ZFAND3: variants seen among roughly 807,000 people sequenced by gnomAD.
ZFAND3 encodes zinc finger AN1-type containing 3.
In ZFAND3, 10 loss-of-function variants were observed where a neutral mutation model predicts 29.6. The ratio of observed to expected loss-of-function variants is 0.34; its 90% CI spans 0.21 to 0.57. The LOEUF (loss-of-function observed/expected upper bound fraction) is 0.57, where lower values mean the gene tolerates loss of function less well. Ranked by LOEUF, ZFAND3 falls within the 20% of genes least tolerant of loss-of-function variation. ZFAND3 has a pLI of 0.86. For missense variants in ZFAND3, 230 were observed against 304.5 expected (o/e 0.76, Z 1.82); for synonymous variants, 128 against 112.6 (o/e 1.14, Z -0.87).
chr6:38,140,841 A>C (rs957458219), intron 5 of ZFAND3, among the ~76,000 whole-genome samples: 1 of 152,192 alleles, frequency 6.6e-6, no homozygotes, highest in Non-Finnish European at 1.5e-5. Context: ...TATAGTGTGT[A>C]GTCTGACTTC....
At chr6:38,124,598 C>T (rs1366986044) in intron 5 of ZFAND3, among the ~76,000 whole-genome samples, 1 of 152,228 alleles carries the variant, frequency 6.6e-6, no homozygotes, top group African/African-American at 2.4e-5. Flanking sequence ...CCTCACTGCC[C>T]CGGGCCGCTC....
At chr6:37,861,525 G>C (rs1164945823) in intron 1 of ZFAND3, among the ~76,000 whole-genome samples, 2 of 152,172 alleles carry the variant, frequency 1.3e-5, no homozygotes, top group Non-Finnish European at 2.9e-5. Flanking sequence ...GGGGCTTTAC[G>C]TACTTACTTG....
chr6:37,950,787 C>G (rs2453882), intron 2 of ZFAND3, among the ~76,000 whole-genome samples: 132,400 of 152,198 alleles, frequency 0.87, 58,400 homozygotes, highest in East Asian at 0.96. Flanking sequence ...ACTATAGTCT[C>G]AAGGTGGGTA....
chr6:38,123,913 G>A (rs1765580936), intron 5 of ZFAND3, among the ~76,000 whole-genome samples: 1 of 152,258 alleles, frequency 6.6e-6, no homozygotes, highest in East Asian at 1.9e-4. Flanking sequence ...ATTGCAAAGA[G>A]CGAAAGAACA....
intron 1 of ZFAND3, among the ~76,000 whole-genome samples, chr6:37,852,915 AG>A (rs996185839): frequency 6.6e-6 from 1 of 151,750 alleles, no homozygotes; most frequent in Non-Finnish European, 1.5e-5. Flanking sequence ...AGTTTCTCAA[AG>A]GGTGTCCATT....
chr6:38,040,533 G>C (rs1763739636), intron 2 of ZFAND3, among the ~76,000 whole-genome samples: 1 of 152,042 alleles, frequency 6.6e-6, no homozygotes, highest in South Asian at 2.1e-4. Context: ...TAAAACTTTA[G>C]TTTTGATGTG....
At position 37,896,523 on chromosome 6, in the gene ZFAND3, TTTC is replaced by T. The variant is rs1427002554; in HGVS notation, c.72-33433_72-33431del. ...ATTTTTTTCCTCTTTCTTTTCTTTC[TTTC>T]TTTCTTTCTTTCTTTCTTTCTTTCT... is the stretch of plus-strand genomic sequence containing the variant. On this transcript the variant is annotated intron_variant, in intron 1 of 5. Transcript: ENST00000287218. Among the ~76,000 whole-genome samples the T allele has an allele frequency of 6.5e-5, 7 of 106,952 alleles. No individual in the cohort carries two copies. In the East Asian group the frequency reaches 1.0e-3, roughly 16 times the overall value. 70.2% of individuals were successfully genotyped at this position (106,952 alleles called of 152,430 possible). A position where few individuals can be genotyped will look rare whatever the true frequency, so the allele number is the denominator to read the frequency against.
At chr6:37,888,722 A>G (rs1427933182) in intron 1 of ZFAND3, among the ~76,000 whole-genome samples, 2 of 152,150 alleles carry the variant, frequency 1.3e-5, no homozygotes, top group Non-Finnish European at 2.9e-5. Context: ...GAAGACTTGT[A>G]TAGATCTCTT....
intron 2 of ZFAND3, among the ~76,000 whole-genome samples, chr6:37,970,310 A>G (rs1434740622): frequency 1.3e-5 from 2 of 152,190 alleles, no homozygotes; most frequent in East Asian, 1.9e-4. Flanking sequence ...CGTAAATGGT[A>G]TATGGCAGAT....
intron 2 of ZFAND3, among the ~76,000 whole-genome samples, chr6:37,945,530 A>G (rs973999445): frequency 1.3e-5 from 2 of 152,024 alleles, no homozygotes; most frequent in Non-Finnish European, 2.9e-5. Flanking sequence ...CTGCACCACC[A>G]TGCCCAGCTA....
At position 37,976,510 on chromosome 6, in the gene ZFAND3, G is replaced by A. The variant is rs115956976; in HGVS notation, c.112+46511G>A. Among the ~76,000 whole-genome samples, 1,342 of 149,966 alleles carry A rather than the reference G, an allele frequency of 8.9e-3. 21 individuals are homozygous for A. The highest frequency in any genetic ancestry group is 0.031 in the African/African-American group (1,245 of 40,696). On this transcript the variant is annotated intron_variant, in intron 2 of 5. Transcript: ENST00000287218. ...GAGGTGGAAGAATCACTTGAGCCCC[G>A]GAAGTAGAGGTTGCAGTGAGCCGAG...
chr6:37,932,714 C>T (rs913423988), intron 2 of ZFAND3, among the ~76,000 whole-genome samples: 12 of 152,168 alleles, frequency 7.9e-5, no homozygotes, highest in Admixed American at 3.9e-4. Flanking sequence ...AGAGTTCAGC[C>T]ATGGGCTTTG....
intron 3 of ZFAND3, among the ~76,000 whole-genome samples, chr6:38,077,489 A>G (rs534813511): frequency 9.2e-5 from 14 of 152,332 alleles, no homozygotes; most frequent in African/African-American, 3.4e-4. Context: ...AGGAATGGCT[A>G]TTTTTGAGTA....
intron 2 of ZFAND3, among the ~76,000 whole-genome samples, chr6:38,039,243 C>T (rs933328950): frequency 3.9e-5 from 6 of 152,052 alleles, no homozygotes; most frequent in African/African-American, 1.4e-4. Context: ...CTTAAAGGAC[C>T]GTAAGTATTA....
At chr6:37,820,815 G>A (rs961649988) in intron 1 of ZFAND3, among the ~76,000 whole-genome samples, 3 of 152,144 alleles carry the variant, frequency 2.0e-5, no homozygotes, top group East Asian at 3.8e-4. Flanking sequence ...GCCATCATGT[G>A]TTAAGGCGAA....
At chr6:37,943,830 A>G (rs888790124) in intron 2 of ZFAND3, among the ~76,000 whole-genome samples, 4 of 152,304 alleles carry the variant, frequency 2.6e-5, no homozygotes, top group African/African-American at 9.6e-5. Flanking sequence ...TTTCAAAGTA[A>G]ACTGAAGTGG....
At chr6:38,015,061 TA>T (rs1312660326) in intron 2 of ZFAND3, among the ~76,000 whole-genome samples, 1 of 152,248 alleles carries the variant, frequency 6.6e-6, no homozygotes, top group African/African-American at 2.4e-5. Flanking sequence ...ATTTAAGGTC[TA>T]CAAGGAGGAG....
intron 2 of ZFAND3, among the ~76,000 whole-genome samples, chr6:37,964,119 A>G (rs1762249965): frequency 6.6e-6 from 1 of 152,184 alleles, no homozygotes; most frequent in Non-Finnish European, 1.5e-5. Flanking sequence ...CCTGCAAAAT[A>G]AAACAAATCT....
rs537710103 is a variant in ZFAND3, at chr6:38,041,353, C to A, written c.113-20240C>A. On this transcript the variant is annotated intron_variant, in intron 2 of 5. Transcript: ENST00000287218. ...CTTTTCTTCATGGAAATTTCACTTA[C>A]TAGTTTTTTTTAGCATCTATTGATG... is the stretch of plus-strand genomic sequence containing the variant. Among the ~76,000 whole-genome samples the A allele has an allele frequency of 3.3e-5, 5 of 152,208 alleles. No individual in the cohort carries two copies. In the East Asian group the frequency reaches 9.7e-4, roughly 29 times the overall value.
Sources: gnomAD v4.1 joint callset for allele counts (sites outside exome capture counted in the v4.1 genomes callset) on GRCh38, gnomAD v4.1.1 for gene constraint, MANE v1.5 for transcripts, NCBI Gene and HGNC (gene_info 2026-07-23, HGNC 2026-07-21) for gene names.